The following ARK2C variants were observed in gnomAD, a reference collection of about 807,000 sequenced individuals.
ARK2C encodes E3 ubiquitin-protein ligase ARK2C.
the ARK2C span, among the ~76,000 whole-genome samples, chr18:46,375,562 A>ATAC: frequency 7.7e-5 from 7 of 90,450 alleles, no homozygotes; most frequent in African/African-American, 2.2e-4. Flanking sequence ...TCTAATAATA[A>ATAC]TAATAATAAT....
chr18:46,434,119 G>A, the ARK2C span, among the ~76,000 whole-genome samples: 1 of 152,264 alleles, frequency 6.6e-6, no homozygotes, highest in Admixed American at 6.5e-5. Flanking sequence ...TGGAGTAGTT[G>A]TGGGGCCCTG....
At chr18:46,334,902 G>A in the ARK2C span, 1 of 163,732 alleles carries the variant, frequency 6.1e-6, no homozygotes, top group Non-Finnish European at 1.3e-5. This position sits in a 1 kb window ranked among gnomAD's most constrained non-coding sequence, Gnocchi z 4.4. Context: ...CCTCTCGTGG[G>A]CACTTGCACG....
chr18:46,438,423 G>A, the ARK2C span, among the ~76,000 whole-genome samples: 1 of 152,236 alleles, frequency 6.6e-6, no homozygotes, highest in Admixed American at 6.5e-5. Context: ...TGAGGGACAA[G>A]GTGCCTCTTG....
the ARK2C span, among the ~76,000 whole-genome samples, chr18:46,353,188 T>C: frequency 6.6e-6 from 1 of 152,248 alleles, no homozygotes; most frequent in South Asian, 2.1e-4. Flanking sequence ...GATCTAAAAA[T>C]GAGATGATGT....
the ARK2C span, among the ~76,000 whole-genome samples, chr18:46,408,612 G>A: frequency 6.6e-6 from 1 of 152,190 alleles, no homozygotes; most frequent in South Asian, 2.1e-4. Flanking sequence ...ATCCTAAAGG[G>A]GGCACTGTAG....
chr18:46,448,387 G>T, the ARK2C span, among the ~76,000 whole-genome samples: 5 of 152,206 alleles, frequency 3.3e-5, no homozygotes, highest in African/African-American at 1.2e-4. Context: ...GAACCTGCTG[G>T]ACTGGAAGCT....
At chr18:46,399,312 C>T in the ARK2C span, among the ~76,000 whole-genome samples, 1 of 152,182 alleles carries the variant, frequency 6.6e-6, no homozygotes, top group African/African-American at 2.4e-5. Flanking sequence ...ACGTGGGCTG[C>T]GCTTGCATGG....
chr18:46,409,447 G>A, the ARK2C span, among the ~76,000 whole-genome samples: 386 of 152,300 alleles, frequency 2.5e-3, 2 homozygotes, highest in Admixed American at 4.2e-3. Context: ...CCGAGGACAG[G>A]GCAGGAGGAA....
At chr18:46,363,504 T>C in the ARK2C span, among the ~76,000 whole-genome samples, 2 of 152,186 alleles carry the variant, frequency 1.3e-5, no homozygotes, top group African/African-American at 4.8e-5. Context: ...ACTTGAGACA[T>C]CCACAAATCA....
the ARK2C span, among the ~76,000 whole-genome samples, chr18:46,370,381 G>C: frequency 0.1 from 15,194 of 152,186 alleles, 1,245 homozygotes; most frequent in African/African-American, 0.22. Flanking sequence ...GGAAATCAGT[G>C]TGCAGAGCTT....
chr18:46,351,960 A>G, the ARK2C span, among the ~76,000 whole-genome samples: 1 of 152,182 alleles, frequency 6.6e-6, no homozygotes, highest in African/African-American at 2.4e-5. Flanking sequence ...TTTTTCTCCT[A>G]GGGGTGGGTA....
At chr18:46,380,070 G>A in the ARK2C span, among the ~76,000 whole-genome samples, 1 of 152,204 alleles carries the variant, frequency 6.6e-6, no homozygotes. Flanking sequence ...CTCTGCTGTC[G>A]GGTTAAACTT....
the ARK2C span, among the ~76,000 whole-genome samples, chr18:46,427,353 A>G: frequency 2.0e-5 from 3 of 152,176 alleles, no homozygotes; most frequent in African/African-American, 4.8e-5. Context: ...AAACCTCCCC[A>G]GGCTGGGGCG....
chr18:46,334,237 G>T, the ARK2C span: 4 of 1,408,542 alleles, frequency 2.8e-6, no homozygotes, highest in East Asian at 6.3e-5. This position sits in a 1 kb window ranked among gnomAD's most constrained non-coding sequence, Gnocchi z 4.4. Flanking sequence ...AAGGGCCCGC[G>T]CGCAGCCGCC....
At chr18:46,455,869 T>TA in the ARK2C span, 12 of 660,602 alleles carry the variant, frequency 1.8e-5, no homozygotes, top group Non-Finnish European at 5.3e-6. Context: ...AAAGAAACTT[T>TA]AAAAAACCTG....
chr18:46,344,704 G>T, the ARK2C span, among the ~76,000 whole-genome samples: 1 of 152,318 alleles, frequency 6.6e-6, no homozygotes, highest in East Asian at 1.9e-4. Flanking sequence ...GTGACGTTTG[G>T]GACTTCTGAC....
chr18:46,348,226 G>T, the ARK2C span, among the ~76,000 whole-genome samples: 5 of 150,922 alleles, frequency 3.3e-5, no homozygotes, highest in African/African-American at 1.2e-4. Context: ...TGGGCCAAGG[G>T]GCTGGGGGGG....
At chr18:46,344,337 G>C in the ARK2C span, among the ~76,000 whole-genome samples, 1 of 151,964 alleles carries the variant, frequency 6.6e-6, no homozygotes, top group African/African-American at 2.4e-5. Flanking sequence ...GGGTGGAGGC[G>C]CTCTCCATGT....
chr18:46,414,356 G>A, the ARK2C span, among the ~76,000 whole-genome samples: 8 of 152,318 alleles, frequency 5.3e-5, no homozygotes, highest in South Asian at 1.7e-3. Context: ...GCTCTGTGTA[G>A]GTGCTGCTTA....
Sources: allele counts gnomAD v4.1 joint callset (sites outside exome capture counted in the v4.1 genomes callset), GRCh38; gene constraint gnomAD v4.1.1; non-coding constraint Gnocchi (gnomAD v3.1); transcripts MANE v1.5; gene names NCBI Gene and HGNC (gene_info 2026-07-23, HGNC 2026-07-21).